The following DYNC2H1 variants were observed in gnomAD, a reference collection of about 807,000 sequenced individuals.
The protein encoded by DYNC2H1 is dynein cytoplasmic 2 heavy chain 1, also known as cytoplasmic dynein 2 heavy chain 1.
In DYNC2H1, 410 loss-of-function variants were observed where a neutral mutation model predicts 570.0. The ratio of observed to expected loss-of-function variants is 0.72; its 90% CI spans 0.66 to 0.78. The LOEUF is 0.78. Ranked by LOEUF, DYNC2H1 falls within the 30% of genes least tolerant of loss-of-function variation. DYNC2H1 has a pLI of 0.00. For synonymous variants in DYNC2H1, 1,688 were observed against 1,677.6 expected (o/e 1.01, Z -0.15); for missense variants, 4,865 against 5,046.4 (o/e 0.96, Z 1.09).
At chr11:103,409,005 T>C (rs1942979513) in intron 84 of DYNC2H1, among the ~76,000 whole-genome samples, 1 of 152,042 alleles carries the variant, frequency 6.6e-6, no homozygotes, top group South Asian at 2.1e-4. Flanking sequence ...AAGCCTCGTG[T>C]GGCCATTTAT....
At chr11:103,134,096 A>G (rs972216269) in intron 14 of DYNC2H1, among the ~76,000 whole-genome samples, 7 of 152,070 alleles carry the variant, frequency 4.6e-5, no homozygotes, top group Non-Finnish European at 1.0e-4. Flanking sequence ...ATTTGGGTTT[A>G]TATGATGTTT....
Position 103,239,941 on chromosome 11 carries a change from G to A in DYNC2H1, c.9819+3402G>A, listed in dbSNP as rs1864364341. ...TTTTTAACCTGTTTTTTGAACTCTT[G>A]ACCTACAGTTCTAACTACCTGTTAG... On this transcript the variant is annotated intron_variant, in intron 63 of 88. Coordinates refer to ENST00000375735, the MANE Select transcript of DYNC2H1 (RefSeq NM_001377.3). The surrounding 1 kb of genome is among the most constrained non-coding windows in gnomAD (Gnocchi z 4.3). Among the ~76,000 whole-genome samples, 1 of 151,756 alleles carries A rather than the reference G, an allele frequency of 6.6e-6. No individual in the cohort carries two copies. The highest frequency in any genetic ancestry group is 1.9e-4 in the East Asian group (1 of 5,184).
intron 83 of DYNC2H1, among the ~76,000 whole-genome samples, chr11:103,374,603 G>C (rs981078010): frequency 6.6e-6 from 1 of 152,074 alleles, no homozygotes; most frequent in Non-Finnish European, 1.5e-5. Flanking sequence ...TAGTGATATG[G>C]GCAATGAAGT....
chr11:103,186,497 A>C lies in DYNC2H1; in HGVS notation c.6889A>C (p.Lys2297Gln). 1 of 1,608,800 alleles carries C rather than the reference A, an allele frequency of 6.2e-7. No homozygotes were observed. The highest frequency in any genetic ancestry group is 8.5e-7 in the Non-Finnish European group (1 of 1,178,606). Residue 2297 changes from lysine (K) to glutamine (Q), a missense_variant, in exon 42 of 89, where the codon AAA becomes CAA. Lys to Gln is a moderately conservative substitution (Grantham distance 53). Coordinates refer to ENST00000375735, the MANE Select transcript of DYNC2H1 (RefSeq NM_001377.3). The surrounding 1 kb of genome is among the most constrained non-coding windows in gnomAD (Gnocchi z 4.5). ...FILVGPEGCGKGMLLRYAFSQ... is the reference protein window; with the variant it reads ...FILVGPEGCGQGMLLRYAFSQ... ...TCTGGTAGGACCAGAAGGATGTGGC[A>C]AAGGGTAAGAAAAATATTGGCAAAG...
Position 103,252,860 on chromosome 11 carries a change from C to T in DYNC2H1, c.10043-425C>T, listed in dbSNP as rs955152411. Among the ~76,000 whole-genome samples the T allele has an allele frequency of 6.6e-6, 1 of 151,884 alleles. No individual in the cohort carries two copies. The highest frequency in any genetic ancestry group is 2.4e-5 in the African/African-American group (1 of 41,366). On this transcript the variant is annotated intron_variant, in intron 65 of 88. Transcript: ENST00000375735. The surrounding 1 kb of genome is among the most constrained non-coding windows in gnomAD (Gnocchi z 4.6). ...CTCATGTGATAATCTGTTTTTTTAA[C>T]CATCATTCTGTTTTCAAATACTGTA... is the stretch of plus-strand genomic sequence containing the variant.
rs1942561103 is a variant in DYNC2H1, at chr11:103,399,771, A to G, written c.12265A>G (p.Ser4089Gly). The G allele has an allele frequency of 6.2e-7, 1 of 1,613,828 alleles. No individual in the cohort carries two copies. The highest frequency in any genetic ancestry group is 1.7e-5 in the Admixed American group (1 of 59,994). Residue 4089 changes from serine to glycine, a missense_variant, in exon 84 of 89, where the codon AGT becomes GGT. Around this residue, in one of 5 missense-constraint regions of DYNC2H1, gnomAD observed 2,401 missense variants for 2,454.6 expected, o/e 0.98. Transcript: ENST00000375735. ...ATTTAATGCTATTCGTTTAGTACAA[A>G]GTGTCCACCAGTCTCTTGCTGCTCT... ...EQFNAIRLVQ[S>G]VHQSLAALSK...
At position 103,264,082 on chromosome 11, in the gene DYNC2H1, C is replaced by T. The variant is rs1357141609; in HGVS notation, c.10695+4105C>T. ...TCAGAGAATACTATAAACACCTCTA[C>T]GCAAATAAACTAGAAAATCTAGAAG... On this transcript the variant is annotated intron_variant, in intron 70 of 88. Coordinates refer to ENST00000375735, the MANE Select transcript of DYNC2H1 (RefSeq NM_001377.3). The surrounding 1 kb of genome is among the most constrained non-coding windows in gnomAD (Gnocchi z 4.8). Among the ~76,000 whole-genome samples, 12 of 152,124 alleles carry T rather than the reference C, an allele frequency of 7.9e-5. No homozygotes were observed. Among genetic ancestry groups the T allele is most frequent in the African/African-American group, 2.6e-4 (11 of 41,536 alleles).
intron 70 of DYNC2H1, among the ~76,000 whole-genome samples, chr11:103,267,246 A>G (rs887890007): frequency 7.3e-5 from 11 of 150,450 alleles, no homozygotes; most frequent in African/African-American, 2.2e-4. Context: ...TCCTCCTTCA[A>G]CCGAGCTTCT....
chr11:103,168,051 G>A (rs1457183326), intron 31 of DYNC2H1, among the ~76,000 whole-genome samples: 1 of 152,136 alleles, frequency 6.6e-6, no homozygotes, highest in African/African-American at 2.4e-5. Flanking sequence ...AGCATTTTAT[G>A]GTTCCCTCAG....
intron 70 of DYNC2H1, among the ~76,000 whole-genome samples, chr11:103,260,930 T>A (rs1317445817): frequency 6.6e-6 from 1 of 152,024 alleles, no homozygotes; most frequent in Non-Finnish European, 1.5e-5. Flanking sequence ...GAATTTTTTT[T>A]TTTTTTAAAT....
At position 103,395,716 on chromosome 11, in the gene DYNC2H1, T is replaced by C. The variant is rs542185075; in HGVS notation, c.12157-3947T>C. ...GCTGCCATCCCTGAACCAGTCACTG[T>C]GGTCAAGAGAATGGAACGCTCTCAT... is the stretch of plus-strand genomic sequence containing the variant. On this transcript the variant is annotated intron_variant, in intron 83 of 88. Transcript: ENST00000375735. This position sits in a 1 kb window ranked among gnomAD's most constrained non-coding sequence, Gnocchi z 4.3. 6.6e-6 allele frequency among the ~76,000 whole-genome samples: 1 copy of C among 152,190 alleles called. No individual in the cohort carries two copies. The highest frequency in any genetic ancestry group is 1.5e-5 in the Non-Finnish European group (1 of 68,036).
At chr11:103,378,159 TTATTAA>T (rs1941474259) in intron 83 of DYNC2H1, among the ~76,000 whole-genome samples, 3 of 152,172 alleles carry the variant, frequency 2.0e-5, no homozygotes, top group East Asian at 1.9e-4. Flanking sequence ...TTTATAATTG[TTATTAA>T]TATTAAGAAT....
chr11:103,156,453 G>A lies in DYNC2H1; in HGVS notation c.3810G>A (p.Trp1270Ter). The A allele has an allele frequency of 6.2e-7, 1 of 1,613,692 alleles. No homozygotes were observed. Among genetic ancestry groups the A allele is most frequent in the Non-Finnish European group, 8.5e-7 (1 of 1,179,726 alleles). The part of the protein sequence containing the change: ...IREALRELDL[W>*]GVGAVFTLID... The stretch of plus-strand genomic sequence containing the variant: ...AAGCTTTACGTGAACTTGATCTTTG[G>A]GGAGTTGGAGCAGTGTTTACATTAA... The change falls in exon 26 of 89, where the codon TGG becomes TGA. Residue 1270 changes from tryptophan to a stop codon, truncating the protein, a stop_gained. Coordinates refer to ENST00000375735, the MANE Select transcript of DYNC2H1 (RefSeq NM_001377.3). LOFTEE classifies it high-confidence loss of function.
chr11:103,401,422 G>A (rs1043918795), intron 84 of DYNC2H1, among the ~76,000 whole-genome samples: 1 of 152,128 alleles, frequency 6.6e-6, no homozygotes, highest in African/African-American at 2.4e-5. Context: ...AGTCTAGTAG[G>A]ACGGGTACAC....
chr11:103,155,053 A>G (rs1860751310), intron 24 of DYNC2H1, among the ~76,000 whole-genome samples: 2 of 152,078 alleles, frequency 1.3e-5, no homozygotes, highest in Non-Finnish European at 2.9e-5. Context: ...CCAGTCCATC[A>G]TGGGTCCTAT....
At chr11:103,467,611 C>G (rs1945234341) in intron 87 of DYNC2H1, among the ~76,000 whole-genome samples, 1 of 152,156 alleles carries the variant, frequency 6.6e-6, no homozygotes, top group African/African-American at 2.4e-5. Flanking sequence ...GATCTCGGCT[C>G]ACTGCAAGCT....
At chr11:103,207,830 T>A (rs531315464) in intron 52 of DYNC2H1, among the ~76,000 whole-genome samples, 1 of 152,256 alleles carries the variant, frequency 6.6e-6, no homozygotes, top group East Asian at 1.9e-4. Flanking sequence ...ACTTTGGTGC[T>A]TGAGTATGAC....
At position 103,187,520 on chromosome 11, in the gene DYNC2H1, A is replaced by G; in HGVS notation, c.7074A>G (p.Leu2358=). The G allele has an allele frequency of 6.2e-7, 1 of 1,613,346 alleles. No individual in the cohort carries two copies. Among genetic ancestry groups the G allele is most frequent in the East Asian group, 2.2e-5 (1 of 44,848 alleles). ...PKDCERLVLY[L]KDINLPKLDK... ...ACTGTGAAAGACTTGTTCTGTACTT[A>G]AAAGATATCAACCTACCTAAACTTG... Residue 2358 remains leucine, a synonymous_variant, in exon 43 of 89, where the codon TTA becomes TTG. Coordinates refer to ENST00000375735, the MANE Select transcript of DYNC2H1 (RefSeq NM_001377.3).
At chr11:103,193,566 C>T (rs560605422) in intron 47 of DYNC2H1, among the ~76,000 whole-genome samples, 15 of 149,100 alleles carry the variant, frequency 1.0e-4, no homozygotes, top group East Asian at 5.9e-4. Flanking sequence ...TATTTTGAGA[C>T]GGGTTTCATT....
Sources: allele counts gnomAD v4.1 joint callset (sites outside exome capture counted in the v4.1 genomes callset), GRCh38; gene constraint gnomAD v4.1.1; regional missense constraint gnomAD v4.1.1; non-coding constraint Gnocchi (gnomAD v3.1); transcripts MANE v1.5; gene names NCBI Gene and HGNC (gene_info 2026-07-23, HGNC 2026-07-21).